Variants in PDE7A observed in about 807,000 individuals in gnomAD.
PDE7A encodes the protein phosphodiesterase 7A, also known as high affinity 3',5'-cyclic-AMP phosphodiesterase 7A.
PDE7A carries 39 observed loss-of-function variants against 64.3 expected under a neutral mutation model. That is an observed-to-expected ratio of 0.61 (90% CI 0.47 to 0.79). The LOEUF is 0.79. Ranked by LOEUF, PDE7A falls within the 30% of genes least tolerant of loss-of-function variation. PDE7A has a pLI of 0.00. For missense variants in PDE7A, 470 were observed against 582.8 expected, an observed-to-expected ratio of 0.81 and a Z score of 1.99; for synonymous variants, 203 against 206.8, an observed-to-expected ratio of 0.98 and a Z score of 0.16.
chr8:65,819,839 C>T (rs1028798114), intron 1 of PDE7A, among the ~76,000 whole-genome samples: 4 of 152,202 alleles, frequency 2.6e-5, no homozygotes, highest in Non-Finnish European at 4.4e-5. Context: ...GTAGGCATAG[C>T]CGTGTCACTA....
chr8:65,719,153 C>T lies in PDE7A; in HGVS notation c.*137G>A. The stretch of plus-strand genomic sequence containing the variant: ...GTTCAAATGATCCAACAGAGGAAAT[C>T]TTGGAAATAAATAATGCTGGCTGGC... On this transcript the variant is annotated 3_prime_UTR_variant, in exon 13 of 13. Coordinates refer to ENST00000401827, the MANE Select transcript of PDE7A (RefSeq NM_001242318.3). The T allele has an allele frequency of 1.6e-6, 1 of 636,738 alleles. No individual in the cohort carries two copies. The highest frequency in any genetic ancestry group is 2.8e-6 in the Non-Finnish European group (1 of 355,188). The allele number at this position is 636,738 out of a possible 1,614,324, so 39.4% of individuals were successfully genotyped here. A position where few individuals can be genotyped will look rare whatever the true frequency, so the allele number is the denominator to read the frequency against.
intron 1 of PDE7A, among the ~76,000 whole-genome samples, chr8:65,817,287 ATACT>A (rs1461962040): frequency 6.6e-6 from 1 of 152,232 alleles, no homozygotes; most frequent in African/African-American, 2.4e-5. Flanking sequence ...TAACTGTGTT[ATACT>A]TACATACCAT....
At chr8:65,804,916 C>A (rs1810077831) in intron 1 of PDE7A, among the ~76,000 whole-genome samples, 1 of 152,158 alleles carries the variant, frequency 6.6e-6, no homozygotes, top group South Asian at 2.1e-4. Flanking sequence ...AGGCTCACTG[C>A]AGCCATGACC....
intron 2 of PDE7A, among the ~76,000 whole-genome samples, chr8:65,780,605 G>A (rs1809387834): frequency 6.6e-6 from 1 of 152,144 alleles, no homozygotes; most frequent in Non-Finnish European, 1.5e-5. Context: ...CTCAGAGATA[G>A]GAATCTTAAT....
chr8:65,743,832 T>C (rs931151307), intron 5 of PDE7A, among the ~76,000 whole-genome samples: 1 of 150,870 alleles, frequency 6.6e-6, no homozygotes, highest in Non-Finnish European at 1.5e-5. Context: ...AAACATTAGC[T>C]GAATTGCTTT....
chr8:65,735,238 G>A (rs1275820185), intron 6 of PDE7A, among the ~76,000 whole-genome samples: 1 of 152,152 alleles, frequency 6.6e-6, no homozygotes, highest in African/African-American at 2.4e-5. Context: ...ATCGCCGAGT[G>A]AGCGGGACAG....
At chr8:65,784,348 T>C (rs1017399812) in intron 1 of PDE7A, among the ~76,000 whole-genome samples, 3 of 152,180 alleles carry the variant, frequency 2.0e-5, no homozygotes, top group African/African-American at 2.4e-5. Context: ...ATACAGGACT[T>C]AGAATCTGTG....
rs1250547997 is a variant in PDE7A at position 65,779,781 on chromosome 8, T to C, written c.222A>G (p.Arg74=). Residue 74 remains arginine (R), a synonymous_variant, in exon 3 of 13, where the codon CGA becomes CGG. Transcript: ENST00000401827. The stretch of plus-strand genomic sequence containing the variant: ...CTCTTCTTTCTGATTCAAATCCTGC[T>C]CGGCTCCTTACACGTACATCTCCTG... The part of the protein sequence containing the change: ...RMLGDVRVRS[R]AGFESERRGS... 3 of 1,601,094 alleles carry C rather than the reference T, an allele frequency of 1.9e-6. No homozygotes were observed. The highest frequency in any genetic ancestry group is 2.6e-6 in the Non-Finnish European group (3 of 1,170,990).
chr8:65,805,795 A>G (rs370659257), intron 1 of PDE7A, among the ~76,000 whole-genome samples: 3 of 152,154 alleles, frequency 2.0e-5, no homozygotes, highest in South Asian at 2.1e-4. Flanking sequence ...GAGAAACTGG[A>G]TATGTTAGCC....
At chr8:65,802,109 T>C (rs888028736) in intron 1 of PDE7A, among the ~76,000 whole-genome samples, 3 of 152,180 alleles carry the variant, frequency 2.0e-5, no homozygotes, top group African/African-American at 7.2e-5. Context: ...AACAAAACTT[T>C]CTCATTAAGA....
At chr8:65,824,204 T>G (rs140014221) in intron 1 of PDE7A, among the ~76,000 whole-genome samples, 1 of 152,368 alleles carries the variant, frequency 6.6e-6, no homozygotes, top group East Asian at 1.9e-4. Context: ...AACTTTTTAA[T>G]TATTGTATTT....
rs533914146 is a variant in PDE7A at position 65,730,091 on chromosome 8, T to C, written c.697-2790A>G. 3.3e-5 allele frequency among the ~76,000 whole-genome samples: 5 copies of C among 150,750 alleles called. No individual in the cohort carries two copies. In the East Asian group the frequency reaches 9.8e-4, roughly 30 times the overall value. Reference sequence around the variant, plus strand: ...CCAGTGAGCATTATTGCCTGAGCTCTGCCTTGGAAGCAGTAGCTTCTCATA... The same window carrying C: ...CCAGTGAGCATTATTGCCTGAGCTCCGCCTTGGAAGCAGTAGCTTCTCATA... On this transcript the variant is annotated intron_variant, in intron 7 of 12. Transcript: ENST00000401827.
chr8:65,747,815 A>C lies in PDE7A; in HGVS notation c.284-12T>G, dbSNP rs779843869. On this transcript the variant is annotated splice_polypyrimidine_tract_variant and intron_variant, in intron 3 of 12. Coordinates refer to ENST00000401827, the MANE Select transcript of PDE7A (RefSeq NM_001242318.3). The stretch of plus-strand genomic sequence containing the variant: ...AATTTCAGATTGAGCTGAAATAAAA[A>C]GAATAAAAGGTAAGTATAGCAAGTT... The C allele has an allele frequency of 1.3e-6, 2 of 1,589,032 alleles. No individual in the cohort carries two copies. Among genetic ancestry groups the C allele is most frequent in the Non-Finnish European group, 1.7e-6 (2 of 1,162,710 alleles).
At chr8:65,730,168 C>CTTTTTT (rs1563473710) in intron 7 of PDE7A, among the ~76,000 whole-genome samples, 2 of 31,662 alleles carry the variant, frequency 6.3e-5, no homozygotes, top group African/African-American at 2.4e-4. Context: ...AGGTTGCGCA[C>CTTTTTT]TTCTTTTTTT....
chr8:65,752,116 A>G (rs1192760375), intron 3 of PDE7A, among the ~76,000 whole-genome samples: 1 of 152,168 alleles, frequency 6.6e-6, no homozygotes, highest in African/African-American at 2.4e-5. Context: ...ATCATCCTCT[A>G]ATTTTCAGTT....
chr8:65,755,182 G>A (rs575272879), intron 3 of PDE7A, among the ~76,000 whole-genome samples: 2 of 151,326 alleles, frequency 1.3e-5, no homozygotes, highest in Admixed American at 6.6e-5. Flanking sequence ...CACCACGCCC[G>A]GCTAATTTTT....
At chr8:65,739,916 C>T (rs1038475950) in intron 5 of PDE7A, among the ~76,000 whole-genome samples, 19 of 152,122 alleles carry the variant, frequency 1.2e-4, no homozygotes, top group Non-Finnish European at 8.8e-5. Context: ...AATTGTCCCA[C>T]ATAGTAACCT....
chr8:65,778,030 T>A (rs1308392568), intron 3 of PDE7A, among the ~76,000 whole-genome samples: 2 of 152,208 alleles, frequency 1.3e-5, no homozygotes, highest in Non-Finnish European at 1.5e-5. Context: ...AGGACCTTAA[T>A]TACTTTTTCA....
At chr8:65,737,165 C>T (rs555990477) in intron 6 of PDE7A, among the ~76,000 whole-genome samples, 28 of 152,212 alleles carry the variant, frequency 1.8e-4, no homozygotes, top group African/African-American at 6.0e-4. Flanking sequence ...CTCCCAAGGA[C>T]AGTATAGAGC....
Sources: gnomAD v4.1 joint callset for allele counts (sites outside exome capture counted in the v4.1 genomes callset) on GRCh38, gnomAD v4.1.1 for gene constraint, MANE v1.5 for transcripts, NCBI Gene and HGNC (gene_info 2026-07-23, HGNC 2026-07-21) for gene names.